GRIN2A: variants seen among roughly 807,000 people sequenced by gnomAD.
GRIN2A encodes the protein glutamate receptor ionotropic, NMDA 2A.
Under a neutral mutation model 113.4 loss-of-function variants are expected in GRIN2A, and 22 were observed. The observed-to-expected ratio is 0.19, with a 90% CI of 0.14 to 0.28. GRIN2A has a LOEUF of 0.28. GRIN2A is among the 10% of genes least tolerant of loss of function. GRIN2A has a pLI of 1.00. For synonymous variants in GRIN2A, 827 were observed against 738.4 expected, an observed-to-expected ratio of 1.12 and a Z score of -1.94; for missense variants, 1,502 against 1,887.0, an observed-to-expected ratio of 0.80 and a Z score of 3.78.
intron 2 of GRIN2A, among the ~76,000 whole-genome samples, chr16:10,108,098 T>C (rs2048532288): frequency 6.6e-6 from 1 of 152,194 alleles, no homozygotes; most frequent in Non-Finnish European, 1.5e-5. Context: ...AAATTGAGTG[T>C]ATTAGTCCAT....
intron 2 of GRIN2A, chr16:10,112,077 A>T (rs929550083): frequency 6.6e-6 from 4 of 607,024 alleles, no homozygotes; most frequent in South Asian, 3.4e-5. Context: ...TCGAGACTAC[A>T]TTCTGGCCTC....
Position 9,901,049 on chromosome 16 carries a change from C to T in GRIN2A, c.1008-9949G>A, listed in dbSNP as rs116970852. ...ATCAATTGACATTCAATTCAAGGTGCGATTTTTATTTCAGAATTTCTGGAT... is the reference window on the plus strand; with the variant it reads ...ATCAATTGACATTCAATTCAAGGTGTGATTTTTATTTCAGAATTTCTGGAT... On this transcript the variant is annotated intron_variant, in intron 3 of 12. Coordinates refer to ENST00000330684, the MANE Select transcript of GRIN2A (RefSeq NM_001134407.3). 2.3e-3 allele frequency among the ~76,000 whole-genome samples: 348 copies of T among 152,220 alleles called. 9 individuals are homozygous for T. The East Asian group carries it at 0.049, about 21-fold the overall frequency.
chr16:9,967,592 C>T (rs1194467547), intron 2 of GRIN2A, among the ~76,000 whole-genome samples: 1 of 152,092 alleles, frequency 6.6e-6, no homozygotes, highest in African/African-American at 2.4e-5. Context: ...GTAGTCTCAG[C>T]TACTTGGGGA....
intron 5 of GRIN2A, among the ~76,000 whole-genome samples, chr16:9,842,362 A>C (rs2042696090): frequency 6.6e-6 from 1 of 152,206 alleles, no homozygotes; most frequent in Non-Finnish European, 1.5e-5. Flanking sequence ...TCTGGGCAAT[A>C]TGCTTGATTA....
chr16:10,128,451 G>A (rs2048991155), intron 2 of GRIN2A, among the ~76,000 whole-genome samples: 2 of 152,212 alleles, frequency 1.3e-5, no homozygotes, highest in South Asian at 2.1e-4. Context: ...TATCTGGGAA[G>A]TGTGAACTGT....
chr16:10,066,282 G>A (rs982742377), intron 2 of GRIN2A, among the ~76,000 whole-genome samples: 2 of 152,140 alleles, frequency 1.3e-5, no homozygotes, highest in African/African-American at 4.8e-5. Context: ...CTGAACACTA[G>A]CTCACGAAGT....
rs752560113 is a variant in GRIN2A at position 9,764,337 on chromosome 16, C to T, written c.3207G>A (p.Thr1069=). ...TACTGTTGTCAGGTTCCCTGTGGCA[C>T]GTGGCCCGATTTGACGTTTCTGAAA... is the stretch of plus-strand genomic sequence containing the variant. The part of the protein sequence containing the change: ...SDISETSNRA[T]CHREPDNSKN... The change falls in exon 13 of 13, where the codon ACG becomes ACA. Residue 1069 remains threonine, a synonymous_variant. Coordinates refer to ENST00000330684, the MANE Select transcript of GRIN2A (RefSeq NM_001134407.3). 8.1e-6 allele frequency: 13 copies of T among 1,614,118 alleles called. No individual in the cohort carries two copies. The highest frequency in any genetic ancestry group is 6.6e-5 in the South Asian group (6 of 91,076).
chr16:10,084,715 T>C (rs961330284), intron 2 of GRIN2A, among the ~76,000 whole-genome samples: 1 of 148,340 alleles, frequency 6.7e-6, no homozygotes, highest in Non-Finnish European at 1.5e-5. Flanking sequence ...AGTATGATTT[T>C]TCATTCATGT....
intron 4 of GRIN2A, among the ~76,000 whole-genome samples, chr16:9,868,249 C>G (rs139898384): frequency 6.6e-6 from 1 of 152,096 alleles, no homozygotes; most frequent in Admixed American, 6.6e-5. Context: ...ATTCTCCAAA[C>G]AGCAGCCCAA....
At chr16:10,034,558 A>C (rs1016952499) in intron 2 of GRIN2A, among the ~76,000 whole-genome samples, 1 of 150,172 alleles carries the variant, frequency 6.7e-6, no homozygotes, top group Non-Finnish European at 1.5e-5. Context: ...AAAAAAAAAA[A>C]AAAAAACTGG....
chr16:10,071,658 G>T (rs2142032069), intron 2 of GRIN2A, among the ~76,000 whole-genome samples: 1 of 152,280 alleles, frequency 6.6e-6, no homozygotes, highest in South Asian at 2.1e-4. Context: ...GGCTCAGGTG[G>T]TAAATGAAAG....
intron 2 of GRIN2A, among the ~76,000 whole-genome samples, chr16:10,015,252 C>CAAAAAAAAAAAAAAAAAATAA (rs2046581751): frequency 5.2e-5 from 1 of 19,316 alleles, no homozygotes; most frequent in African/African-American, 1.5e-4. Flanking sequence ...GACTTCATCT[C>CAAAAAAAAAAAAAAAAAATAA]AAAAAAAAAA....
At chr16:9,829,130 T>C (rs1306646069) in intron 9 of GRIN2A, among the ~76,000 whole-genome samples, 2 of 152,148 alleles carry the variant, frequency 1.3e-5, no homozygotes, top group Non-Finnish European at 1.5e-5. Flanking sequence ...ACTTGAGTCA[T>C]AGGTCATTCA....
At chr16:9,921,744 C>T (rs2044362584) in intron 3 of GRIN2A, among the ~76,000 whole-genome samples, 1 of 152,168 alleles carries the variant, frequency 6.6e-6, no homozygotes, top group Admixed American at 6.5e-5. Context: ...TCATCATCTT[C>T]ATCAATCATG....
intron 2 of GRIN2A, among the ~76,000 whole-genome samples, chr16:10,078,857 ACTGG>A (rs200822252): frequency 2.0e-5 from 3 of 151,322 alleles, no homozygotes; most frequent in South Asian, 2.1e-4. Flanking sequence ...ATGCTGACTG[ACTGG>A]CTGACTGACT....
chr16:9,872,493 G>A (rs1170779503), intron 4 of GRIN2A, among the ~76,000 whole-genome samples: 1 of 152,174 alleles, frequency 6.6e-6, no homozygotes, highest in Non-Finnish European at 1.5e-5. Flanking sequence ...TAACTTGACA[G>A]ATGTCCCATC....
chr16:9,857,354 G>T (rs1236619173), intron 4 of GRIN2A, among the ~76,000 whole-genome samples: 1 of 152,206 alleles, frequency 6.6e-6, no homozygotes, highest in Non-Finnish European at 1.5e-5. Flanking sequence ...CTAATGTCAG[G>T]TGTTAATAAT....
chr16:9,813,932 C>G (rs1293163238), intron 10 of GRIN2A, among the ~76,000 whole-genome samples: 2 of 152,118 alleles, frequency 1.3e-5, no homozygotes, highest in Non-Finnish European at 2.9e-5. Flanking sequence ...GGAAATGAAC[C>G]ATTTGTGTCT....
chr16:10,063,450 G>A (rs1342510260), intron 2 of GRIN2A, among the ~76,000 whole-genome samples: 1 of 152,140 alleles, frequency 6.6e-6, no homozygotes, highest in African/African-American at 2.4e-5. Context: ...ACATAACCTG[G>A]TATTTGGCTT....
Sources: allele counts gnomAD v4.1 joint callset (sites outside exome capture counted in the v4.1 genomes callset), GRCh38; gene constraint gnomAD v4.1.1; transcripts MANE v1.5; gene names NCBI Gene and HGNC (gene_info 2026-07-23, HGNC 2026-07-21).